SPATA17: variants seen among roughly 807,000 people sequenced by gnomAD.
The protein encoded by SPATA17 is spermatogenesis associated 17, also known as spermatogenesis-associated protein 17.
SPATA17 carries 53 observed loss-of-function variants against 62.2 expected under a neutral mutation model. That is an observed-to-expected ratio of 0.85 (90% CI 0.68 to 1.07). The LOEUF is 1.07. Among genes scored for constraint, SPATA17 ranks in the 50% least tolerant of loss-of-function variants. The pLI is 0.00. For synonymous variants in SPATA17, 146 were observed against 146.8 expected (o/e 0.99, Z 0.04); for missense variants, 466 against 425.5 (o/e 1.10, Z -0.84).
intron 9 of SPATA17, among the ~76,000 whole-genome samples, chr1:217,855,557 T>C (rs187533041): frequency 5.5e-4 from 84 of 152,278 alleles, no homozygotes; most frequent in East Asian, 7.7e-4. Flanking sequence ...ATATCTTGTA[T>C]TACTTTTATC....
At chr1:217,712,401 C>T (rs1013775611) in intron 5 of SPATA17, among the ~76,000 whole-genome samples, 2 of 152,104 alleles carry the variant, frequency 1.3e-5, no homozygotes, top group East Asian at 1.9e-4. Context: ...GCTGGGATTA[C>T]AGGCGTGAGC....
chr1:217,738,347 G>A (rs547522498), intron 5 of SPATA17, among the ~76,000 whole-genome samples: 2 of 152,268 alleles, frequency 1.3e-5, no homozygotes, highest in South Asian at 2.1e-4. Context: ...CTCATCCAGA[G>A]AGAGAAAGGA....
At chr1:217,862,617 A>G (rs1675920320) in intron 9 of SPATA17, among the ~76,000 whole-genome samples, 157 bp from the exon 10 acceptor site, 1 of 152,202 alleles carries the variant, frequency 6.6e-6, no homozygotes, top group Non-Finnish European at 1.5e-5. Context: ...AAAACTTCAA[A>G]AATTTACCTG....
chr1:217,756,947 C>T lies in SPATA17; in HGVS notation c.519+14849C>T, dbSNP rs146888563. ...ATGTTTATAAAAATACAAATGCCTTCGACATCTCATTCTTGATCTAATTAG... is the reference window on the plus strand; with the variant it reads ...ATGTTTATAAAAATACAAATGCCTTTGACATCTCATTCTTGATCTAATTAG... On this transcript the variant is annotated intron_variant, in intron 6 of 10. Transcript: ENST00000366933. 2.0e-5 allele frequency among the ~76,000 whole-genome samples: 3 copies of T among 152,278 alleles called. No individual in the cohort carries two copies. The East Asian group carries it at 5.8e-4, about 29-fold the overall frequency.
chr1:217,776,704 A>C (rs999713025), intron 7 of SPATA17, among the ~76,000 whole-genome samples: 1 of 151,076 alleles, frequency 6.6e-6, no homozygotes, highest in Non-Finnish European at 1.5e-5. Context: ...AAAGATGTCA[A>C]CCATGACCGT....
At chr1:217,711,264 T>C (rs147074033) in intron 5 of SPATA17, among the ~76,000 whole-genome samples, 5 of 152,276 alleles carry the variant, frequency 3.3e-5, no homozygotes, top group African/African-American at 1.2e-4. Flanking sequence ...AGTACCTTAA[T>C]AGGTAGTTTT....
chr1:217,742,883 G>A (rs1672653499), intron 6 of SPATA17, among the ~76,000 whole-genome samples: 1 of 152,038 alleles, frequency 6.6e-6, no homozygotes, highest in African/African-American at 2.4e-5. Flanking sequence ...GTAGGGGCAA[G>A]TCAAGTCCCA....
chr1:217,748,743 CA>C (rs34000760), intron 6 of SPATA17, among the ~76,000 whole-genome samples: 3,310 of 115,314 alleles, frequency 0.029, 65 homozygotes, highest in African/African-American at 0.096. Context: ...GACTCTGACT[CA>C]AAAAAAAAAA....
In SPATA17 at chr1:217,867,557, ACT is replaced by A. The variant is rs1676041496; in HGVS notation, c.*542_*543del. On this transcript the variant is annotated 3_prime_UTR_variant, in exon 11 of 11. Coordinates refer to ENST00000366933, the MANE Select transcript of SPATA17 (RefSeq NM_138796.4). ...TGGGTGTGGGAGCAGAAGCATAGGCACTCTCAAATAGAGAAGACATTTGCAAG... is the reference window on the plus strand; with the variant it reads ...TGGGTGTGGGAGCAGAAGCATAGGCACTCAAATAGAGAAGACATTTGCAAG... The A allele has an allele frequency of 6.6e-6, 1 of 152,150 alleles. No individual in the cohort carries two copies. The highest frequency in any genetic ancestry group is 2.4e-5 in the African/African-American group (1 of 41,430). 9.4% of individuals were successfully genotyped at this position (152,150 alleles called of 1,614,324 possible). A position where few individuals can be genotyped will look rare whatever the true frequency, so the allele number is the denominator to read the frequency against.
In SPATA17 at chr1:217,862,834, A is replaced by G. The variant is rs1202529731; in HGVS notation, c.1066A>G (p.Lys356Glu). The part of the protein sequence containing the change: ...LFSKYGKLYS[K>E]AGQIV ...CTCAAAGTATGGAAAATTATATTCA[A>G]AAGCTGGACAGATTGTATAAAGGTA... The change falls in exon 10 of 11, where the codon AAA (lysine) becomes GAA (glutamate). Residue 356 changes from lysine (K) to glutamate (E), a missense_variant. Lys to Glu is a moderately conservative substitution (Grantham distance 56, BLOSUM62 1). Coordinates refer to ENST00000366933, the MANE Select transcript of SPATA17 (RefSeq NM_138796.4). The G allele has an allele frequency of 6.2e-7, 1 of 1,609,012 alleles. No individual in the cohort carries two copies.
chr1:217,829,444 A>G (rs570348401), intron 9 of SPATA17, among the ~76,000 whole-genome samples: 1 of 151,742 alleles, frequency 6.6e-6, no homozygotes, highest in African/African-American at 2.4e-5. Context: ...CCTGGCCAAA[A>G]TGGTGAAACC....
chr1:217,809,090 G>A (rs1674517444), intron 9 of SPATA17, among the ~76,000 whole-genome samples: 1 of 151,948 alleles, frequency 6.6e-6, no homozygotes, highest in African/African-American at 2.4e-5. Context: ...AAAATAAGAT[G>A]TTTCTTTACT....
chr1:217,803,125 G>A (rs193022355), intron 9 of SPATA17, among the ~76,000 whole-genome samples: 6 of 152,202 alleles, frequency 3.9e-5, no homozygotes, highest in South Asian at 2.1e-4. Flanking sequence ...TGTTAGCCAC[G>A]ATGGTCTCCT....
At chr1:217,737,867 C>T (rs1361554795) in intron 5 of SPATA17, 1 of 151,892 alleles carries the variant, frequency 6.6e-6, no homozygotes, top group Non-Finnish European at 1.5e-5. Flanking sequence ...GCTCTGTCAC[C>T]CAGCCTGGAG....
chr1:217,679,430 T>C (rs1671024630), intron 4 of SPATA17, among the ~76,000 whole-genome samples: 1 of 152,182 alleles, frequency 6.6e-6, no homozygotes, highest in Non-Finnish European at 1.5e-5. Context: ...CCTGGCACAT[T>C]CATGGAGCTC....
At chr1:217,820,376 A>G (rs1221156282) in intron 9 of SPATA17, among the ~76,000 whole-genome samples, 2 of 152,076 alleles carry the variant, frequency 1.3e-5, no homozygotes, top group Non-Finnish European at 2.9e-5. Flanking sequence ...CAGTAGTCCA[A>G]ATTATATTTA....
chr1:217,813,659 TTCTC>T (rs1444096312), intron 9 of SPATA17, among the ~76,000 whole-genome samples: 1 of 152,158 alleles, frequency 6.6e-6, no homozygotes, highest in Admixed American at 6.6e-5. Context: ...TGCTTTTTCT[TTCTC>T]TCCCTCTTTA....
At chr1:217,737,189 T>C (rs76378079) in intron 5 of SPATA17, among the ~76,000 whole-genome samples, 8,591 of 152,238 alleles carry the variant, frequency 0.056, 281 homozygotes, top group South Asian at 0.072. Flanking sequence ...TTAATCTCTG[T>C]GAGTATCATT....
intron 2 of SPATA17, among the ~76,000 whole-genome samples, chr1:217,649,962 G>C (rs371543567): frequency 7.3e-6 from 1 of 136,252 alleles, no homozygotes; most frequent in Non-Finnish European, 1.5e-5. Context: ...TTTCTGAAAC[G>C]GAGTTTTGCT....
Sources: gnomAD v4.1 joint callset for allele counts (sites outside exome capture counted in the v4.1 genomes callset) on GRCh38, gnomAD v4.1.1 for gene constraint, MANE v1.5 for transcripts, NCBI Gene and HGNC (gene_info 2026-07-23, HGNC 2026-07-21) for gene names.